UGT2A3: variants seen among roughly 807,000 people sequenced by gnomAD.
UGT2A3 encodes UDP glucuronosyltransferase family 2 member A3.
A neutral mutation model predicts 44.1 loss-of-function variants in UGT2A3; 55 were observed. That is an observed-to-expected ratio of 1.25 (90% confidence interval 1.00 to 1.56). UGT2A3 has a LOEUF of 1.56. Among genes scored for constraint, UGT2A3 ranks in the 40% most tolerant of loss-of-function variants. The probability of loss-of-function intolerance (pLI) is 0.00; values close to 1 mark genes in which losing one functional copy is unlikely to be tolerated. For synonymous variants in UGT2A3, 243 were observed against 215.1 expected, an observed-to-expected ratio of 1.13 and a Z score of -1.13; for missense variants, 733 against 621.6, an observed-to-expected ratio of 1.18 and a Z score of -1.91.
chr4:68,930,324 T>G (rs201991271), intron 5 of UGT2A3, among the ~76,000 whole-genome samples: 1 of 152,172 alleles, frequency 6.6e-6, no homozygotes, highest in East Asian at 1.9e-4. Context: ...GAATAAAAGC[T>G]TAGTAAGCCA....
chr4:68,947,086 A>G (rs952083599), intron 1 of UGT2A3, among the ~76,000 whole-genome samples: 2 of 151,736 alleles, frequency 1.3e-5, no homozygotes, highest in Non-Finnish European at 3.0e-5. Flanking sequence ...AGATTGTTGC[A>G]TGAATTGACT....
At chr4:68,941,571 G>T (rs1718187384) in intron 2 of UGT2A3, among the ~76,000 whole-genome samples, 1 of 151,886 alleles carries the variant, frequency 6.6e-6, no homozygotes, top group Non-Finnish European at 1.5e-5. Context: ...TGTGACATTG[G>T]TCTAGGCAAG....
intron 2 of UGT2A3, among the ~76,000 whole-genome samples, chr4:68,942,390 G>T (rs1718223143): frequency 6.8e-6 from 1 of 147,582 alleles, no homozygotes; most frequent in African/African-American, 2.5e-5. Context: ...GTGTTTATAT[G>T]TATAGATATA....
chr4:68,930,190 A>T, intron 5 of UGT2A3, 98 bp from the exon 6 acceptor site: 1 of 1,313,352 alleles, frequency 7.6e-7, no homozygotes, highest in Non-Finnish European at 1.0e-6. Flanking sequence ...CAAGCCAAGA[A>T]CATGTTCAGT....
At chr4:68,941,998 C>T (rs542589467) in intron 2 of UGT2A3, among the ~76,000 whole-genome samples, 103 of 151,656 alleles carry the variant, frequency 6.8e-4, no homozygotes, top group African/African-American at 2.1e-3. Context: ...AGAAAGTATG[C>T]AGAGAAAGAA....
chr4:68,950,305 T>A (rs920206780), intron 1 of UGT2A3, among the ~76,000 whole-genome samples: 10 of 151,908 alleles, frequency 6.6e-5, no homozygotes, highest in African/African-American at 2.2e-4. Context: ...AGTCTATGCA[T>A]AAGAATTCGT....
At chr4:68,947,005 G>A (rs897592139) in intron 1 of UGT2A3, among the ~76,000 whole-genome samples, 1 of 151,626 alleles carries the variant, frequency 6.6e-6, no homozygotes, top group African/African-American at 2.4e-5. Flanking sequence ...TTCTGGTGTA[G>A]GGTCTTGCCT....
At position 68,932,653 on chromosome 4, in the gene UGT2A3, G is replaced by T. The variant is rs1199945103; in HGVS notation, c.971C>A (p.Ser324Ter). The change falls in exon 3 of 6, where the codon TCA becomes TAA. Residue 324 changes from serine (S) to a stop codon, truncating the protein, a stop_gained. Transcript: ENST00000251566. LOFTEE classifies it high-confidence loss of function. ...CTTCTGTGGGATCTGGGCAAGGGCT[G>T]AAGCAATGATATTAGCCTTTTCTTC... ...VTEEKANIIA[S>*]ALAQIPQKVL... is the part of the protein sequence containing the mutation. 6 of 1,610,930 alleles carry T rather than the reference G, an allele frequency of 3.7e-6. No individual in the cohort carries two copies. The highest frequency in any genetic ancestry group is 2.7e-5 in the African/African-American group (2 of 74,758).
chr4:68,950,424 C>T (rs1015291160), intron 1 of UGT2A3, among the ~76,000 whole-genome samples: 26 of 151,794 alleles, frequency 1.7e-4, no homozygotes, highest in Admixed American at 1.4e-3. Flanking sequence ...CATTGACCAG[C>T]TCTGATCACA....
intron 2 of UGT2A3, among the ~76,000 whole-genome samples, chr4:68,935,608 C>A (rs1717920757): frequency 1.3e-5 from 2 of 151,882 alleles, no homozygotes. Flanking sequence ...TGGAGAGAAA[C>A]CAGAGCAGAA....
At chr4:68,948,787 G>A (rs141945481) in intron 1 of UGT2A3, among the ~76,000 whole-genome samples, 17 of 151,826 alleles carry the variant, frequency 1.1e-4, no homozygotes, top group Non-Finnish European at 2.1e-4. Context: ...TGTAGTTTTT[G>A]GCCTGTCCCA....
Position 68,929,775 on chromosome 4 carries a change from G to A in UGT2A3, c.*38C>T. 1 of 1,504,050 alleles carries A rather than the reference G, an allele frequency of 6.6e-7. No individual in the cohort carries two copies. The highest frequency in any genetic ancestry group is 1.3e-5 in the South Asian group (1 of 74,948). The allele number at this position is 1,504,050 out of a possible 1,614,324, so 93.2% of individuals were successfully genotyped here. A position where few individuals can be genotyped will look rare whatever the true frequency, so the allele number is the denominator to read the frequency against. ...AAATTCTATGTGGCTGGAATTAACA[G>A]GATTACCCCATCAGGTCTTTCTTGA... On this transcript the variant is annotated 3_prime_UTR_variant, in exon 6 of 6. Transcript: ENST00000251566.
intron 2 of UGT2A3, among the ~76,000 whole-genome samples, chr4:68,936,828 A>G (rs1348685422): frequency 6.7e-6 from 1 of 150,220 alleles, no homozygotes; most frequent in African/African-American, 2.4e-5. Context: ...TCTCACATAC[A>G]GAGACACACA....
chr4:68,945,676 AAAGG>A (rs911645475), intron 1 of UGT2A3, among the ~76,000 whole-genome samples: 12 of 149,044 alleles, frequency 8.1e-5, no homozygotes, highest in Non-Finnish European at 1.2e-4. Flanking sequence ...GGGAAGGAAG[AAAGG>A]AAGGAAGGAA....
intron 2 of UGT2A3, among the ~76,000 whole-genome samples, chr4:68,935,272 G>GTGTATATATATATA (rs1388458483): frequency 2.2e-5 from 2 of 89,214 alleles, no homozygotes; most frequent in African/African-American, 3.5e-5. Context: ...ATGTATGTAT[G>GTGTATATATATATA]TATGTATATA....
intron 2 of UGT2A3, among the ~76,000 whole-genome samples, chr4:68,933,715 T>C (rs1200740365): frequency 6.6e-6 from 1 of 152,088 alleles, no homozygotes; most frequent in Non-Finnish European, 1.5e-5. Flanking sequence ...ATCAGGTTAG[T>C]AACTAAGTTC....
chr4:68,934,261 A>T (rs1295939386), intron 2 of UGT2A3, among the ~76,000 whole-genome samples: 1 of 152,096 alleles, frequency 6.6e-6, no homozygotes, highest in East Asian at 1.9e-4. Context: ...AGAAATCAGA[A>T]TAATAAAGAG....
rs1484044643 is a variant in UGT2A3 at position 68,931,244 on chromosome 4, T to C, written c.997-2A>G. 3 of 1,610,706 alleles carry C rather than the reference T, an allele frequency of 1.9e-6. No homozygotes were observed. The highest frequency in any genetic ancestry group is 2.5e-6 in the Non-Finnish European group (3 of 1,177,744). On this transcript the variant is annotated splice_acceptor_variant, in intron 3 of 5. Transcript: ENST00000251566. LOFTEE classifies it high-confidence loss of function. The stretch of plus-strand genomic sequence containing the variant: ...TTTTCCTTTGTACCTCCATAACACC[T>C]ACGGAAGAAACACATGTATTTCACA...
At chr4:68,949,298 C>T (rs1295441662) in intron 1 of UGT2A3, among the ~76,000 whole-genome samples, 2 of 151,774 alleles carry the variant, frequency 1.3e-5, no homozygotes, top group Non-Finnish European at 1.5e-5. Context: ...TTCACTGGAA[C>T]ATTTAGAAGT....
Sources: gnomAD v4.1 joint callset for allele counts (sites outside exome capture counted in the v4.1 genomes callset) on GRCh38, gnomAD v4.1.1 for gene constraint, MANE v1.5 for transcripts, NCBI Gene and HGNC (gene_info 2026-07-23, HGNC 2026-07-21) for gene names.